TMEM135: variants seen among roughly 807,000 people sequenced by gnomAD.
The protein encoded by TMEM135 is peroxisomal membrane protein 52.
TMEM135 carries 30 observed loss-of-function variants against 60.3 expected under a neutral mutation model. That is an observed-to-expected ratio of 0.50 (90% CI 0.37 to 0.68). The LOEUF is 0.68. Among genes scored for constraint, TMEM135 ranks in the 30% least tolerant of loss-of-function variants. The pLI is 0.00. For synonymous variants in TMEM135, 190 were observed against 186.7 expected (o/e 1.02, Z -0.14); for missense variants, 468 against 548.8 (o/e 0.85, Z 1.47).
At chr11:87,044,425 A>G (rs1401764318) in intron 1 of TMEM135, among the ~76,000 whole-genome samples, 1 of 152,116 alleles carries the variant, frequency 6.6e-6, no homozygotes, top group Non-Finnish European at 1.5e-5. Context: ...AAATAAAATA[A>G]GAAACCCTGA....
chr11:87,103,815 C>T (rs191355638), intron 4 of TMEM135, among the ~76,000 whole-genome samples: 24 of 151,922 alleles, frequency 1.6e-4, no homozygotes, highest in Admixed American at 5.3e-4. Flanking sequence ...TCACTATGCC[C>T]GGCTAGTTTT....
At chr11:87,057,273 A>G (rs1949902590) in intron 1 of TMEM135, among the ~76,000 whole-genome samples, 1 of 152,190 alleles carries the variant, frequency 6.6e-6, no homozygotes, top group Non-Finnish European at 1.5e-5. Context: ...TAAGGTATGT[A>G]AGGCTTAATG....
chr11:87,202,538 C>G (rs1940137414), intron 5 of TMEM135, among the ~76,000 whole-genome samples: 1 of 152,118 alleles, frequency 6.6e-6, no homozygotes, highest in Non-Finnish European at 1.5e-5. Flanking sequence ...CTTGCCCAGG[C>G]TGGTCTTTAA....
rs1184863141 is a variant in TMEM135 at position 87,164,745 on chromosome 11, G to T, written c.462+7339G>T. ...AGTGGTTTGTAGTTCTCCTTGAAGA[G>T]GTCCTTCACATCCCTTGTAAGTTGG... On this transcript the variant is annotated intron_variant, in intron 5 of 14. Transcript: ENST00000305494. Among the ~76,000 whole-genome samples, 2 of 51,424 alleles carry T rather than the reference G, an allele frequency of 3.9e-5. 1 individual carries two copies. The highest frequency in any genetic ancestry group is 6.3e-5 in the Non-Finnish European group (2 of 31,620). 33.7% of individuals were successfully genotyped at this position (51,424 alleles called of 152,430 possible).
intron 6 of TMEM135, among the ~76,000 whole-genome samples, chr11:87,295,028 T>A (rs759219012): frequency 7.9e-4 from 121 of 152,306 alleles, no homozygotes; most frequent in Non-Finnish European, 1.4e-3. Context: ...AATTCTGGAA[T>A]TCTGACTGCT....
At chr11:87,074,588 G>A (rs2135145908) in intron 3 of TMEM135, among the ~76,000 whole-genome samples, 1 of 152,168 alleles carries the variant, frequency 6.6e-6, no homozygotes, top group African/African-American at 2.4e-5. Context: ...ACAAACTGTT[G>A]AACACCTTTG....
intron 6 of TMEM135, among the ~76,000 whole-genome samples, chr11:87,279,481 G>C (rs1176890404): frequency 6.6e-6 from 1 of 152,094 alleles, no homozygotes; most frequent in East Asian, 1.9e-4. Flanking sequence ...AACATTTCTT[G>C]AGTGCTTAGT....
intron 1 of TMEM135, among the ~76,000 whole-genome samples, chr11:87,059,817 T>G (rs1949929273): frequency 6.6e-6 from 1 of 152,236 alleles, no homozygotes; most frequent in African/African-American, 2.4e-5. Flanking sequence ...TAAAAAGTAC[T>G]TATTAACAGA....
At chr11:87,086,502 G>T (rs1458250350) in intron 3 of TMEM135, among the ~76,000 whole-genome samples, 2 of 152,100 alleles carry the variant, frequency 1.3e-5, no homozygotes, top group Admixed American at 6.5e-5. Context: ...TTAAGCGGTG[G>T]AACAGCTCAG....
intron 5 of TMEM135, among the ~76,000 whole-genome samples, chr11:87,185,351 C>T (rs1045803206): frequency 6.6e-6 from 1 of 152,110 alleles, no homozygotes; most frequent in Admixed American, 6.5e-5. Context: ...CCCCCTCATC[C>T]CTCTCTCTAT....
At chr11:87,189,825 G>C (rs1039335374) in intron 5 of TMEM135, among the ~76,000 whole-genome samples, 5 of 151,772 alleles carry the variant, frequency 3.3e-5, no homozygotes, top group Non-Finnish European at 7.4e-5. Flanking sequence ...GCTGAGGTGG[G>C]AGGATCATTT....
chr11:87,184,113 A>G (rs536599023), intron 5 of TMEM135, among the ~76,000 whole-genome samples: 1 of 152,080 alleles, frequency 6.6e-6, no homozygotes, highest in Non-Finnish European at 1.5e-5. Context: ...ACTTAGTGTC[A>G]TAGTTGTTTT....
chr11:87,262,967 T>C (rs1372985978), intron 6 of TMEM135, among the ~76,000 whole-genome samples: 3 of 151,998 alleles, frequency 2.0e-5, no homozygotes, highest in South Asian at 4.1e-4. Flanking sequence ...TGTTATAAGA[T>C]ATTGTCTTTT....
At chr11:87,191,989 T>C (rs1939814993) in intron 5 of TMEM135, among the ~76,000 whole-genome samples, 1 of 131,486 alleles carries the variant, frequency 7.6e-6, no homozygotes, top group African/African-American at 2.9e-5. Flanking sequence ...TTTCTTTTCT[T>C]TTTTTTTTTT....
chr11:87,055,946 A>T (rs1565422888), intron 1 of TMEM135, among the ~76,000 whole-genome samples: 1 of 152,180 alleles, frequency 6.6e-6, no homozygotes, highest in Non-Finnish European at 1.5e-5. Flanking sequence ...AAGCAAGTTT[A>T]TTAAGAAAGT....
chr11:87,286,731 C>T (rs1056130049), intron 6 of TMEM135, among the ~76,000 whole-genome samples: 1 of 152,184 alleles, frequency 6.6e-6, no homozygotes. Flanking sequence ...AATAGGCATC[C>T]TGGTTCCTTT....
chr11:87,197,582 C>A (rs1031192157), intron 5 of TMEM135, among the ~76,000 whole-genome samples: 6 of 149,342 alleles, frequency 4.0e-5, no homozygotes, highest in Admixed American at 2.0e-4. Context: ...CTTTCCAATT[C>A]TGTTAAAATT....
chr11:87,157,682 T>A, intron 5 of TMEM135: 1 of 328,178 alleles, frequency 3.0e-6, no homozygotes, highest in East Asian at 6.9e-5. Flanking sequence ...TCTACAAATG[T>A]TTGTAATGAA....
chr11:87,319,025 C>T (rs527376363), intron 13 of TMEM135: 9 of 324,936 alleles, frequency 2.8e-5, no homozygotes, highest in East Asian at 1.5e-4. Flanking sequence ...TGCACCACCA[C>T]GCCTGGCTAA....
Sources: gnomAD v4.1 joint callset for allele counts (sites outside exome capture counted in the v4.1 genomes callset) on GRCh38, gnomAD v4.1.1 for gene constraint, MANE v1.5 for transcripts, NCBI Gene and HGNC (gene_info 2026-07-23, HGNC 2026-07-21) for gene names.